CNGB3: variants seen among roughly 807,000 people sequenced by gnomAD.
The protein encoded by CNGB3 is cyclic nucleotide gated channel subunit beta 3.
CNGB3 carries 86 observed loss-of-function variants against 92.8 expected under a neutral mutation model. The observed-to-expected ratio is 0.93, with a 90% CI of 0.78 to 1.11. The LOEUF (loss-of-function observed/expected upper bound fraction) is 1.11. CNGB3 is among the 50% of genes least tolerant of loss of function. The pLI, the probability that CNGB3 is intolerant of heterozygous loss-of-function variation, is 0.00. For missense variants in CNGB3, 1,026 were observed against 956.8 expected, an observed-to-expected ratio of 1.07 and a Z score of -0.95; for synonymous variants, 333 against 332.7, an observed-to-expected ratio of 1.00 and a Z score of -0.01.
intron 15 of CNGB3, among the ~76,000 whole-genome samples, chr8:86,598,966 A>G (rs1351664456): frequency 6.6e-6 from 1 of 152,140 alleles, no homozygotes; most frequent in African/African-American, 2.4e-5. Flanking sequence ...CACTACAGGC[A>G]TCACGTCAAT....
intron 10 of CNGB3, 88 bp downstream of exon 10, chr8:86,643,663 T>C (rs1172469572): frequency 6.9e-7 from 1 of 1,453,884 alleles, no homozygotes; most frequent in Non-Finnish European, 9.5e-7. Context: ...TTATGACAGC[T>C]TCAAAAACAC....
At chr8:86,589,439 A>G (rs1040715569) in intron 15 of CNGB3, among the ~76,000 whole-genome samples, 5 of 150,650 alleles carry the variant, frequency 3.3e-5, no homozygotes, top group African/African-American at 1.2e-4. Flanking sequence ...TTAGGGTGTC[A>G]ATTTTGGATC....
intron 6 of CNGB3, chr8:86,661,767 T>C: frequency 6.3e-7 from 1 of 1,589,766 alleles, no homozygotes; most frequent in Non-Finnish European, 8.6e-7. Context: ...CTTAGGAAGG[T>C]TATATAATCT....
At chr8:86,717,221 A>G (rs958784882) in intron 3 of CNGB3, among the ~76,000 whole-genome samples, 1 of 152,120 alleles carries the variant, frequency 6.6e-6, no homozygotes, top group Non-Finnish European at 1.5e-5. Context: ...TTATAAAACA[A>G]TTACTACTAG....
At chr8:86,592,186 G>A (rs556992776) in intron 15 of CNGB3, among the ~76,000 whole-genome samples, 112 of 152,282 alleles carry the variant, frequency 7.4e-4, no homozygotes, top group Admixed American at 2.2e-3. Context: ...GCAATGCCTC[G>A]CCCTGCTTTG....
chr8:86,640,775 T>G (rs202000592), intron 10 of CNGB3, among the ~76,000 whole-genome samples: 2 of 2,326 alleles, frequency 8.6e-4, no homozygotes, highest in Non-Finnish European at 1.1e-3. Context: ...TCTAAAATGG[T>G]TTTGTTTTAA....
At chr8:86,658,931 C>T in intron 6 of CNGB3, 2 of 1,033,382 alleles carry the variant, frequency 1.9e-6, no homozygotes. Flanking sequence ...GCCTCTCCTC[C>T]TGCTCTCGGT....
intron 4 of CNGB3, among the ~76,000 whole-genome samples, chr8:86,670,443 G>A (rs1416047317): frequency 1.3e-5 from 2 of 152,084 alleles, no homozygotes; most frequent in Non-Finnish European, 2.9e-5. Flanking sequence ...AAAGTGCTGG[G>A]GAGGTAACAG....
chr8:86,617,283 C>A (rs564325765), intron 13 of CNGB3, among the ~76,000 whole-genome samples: 2 of 152,186 alleles, frequency 1.3e-5, no homozygotes, highest in African/African-American at 2.4e-5. Flanking sequence ...TTTCTAGGCT[C>A]ATTTCTGCTT....
intron 6 of CNGB3, chr8:86,659,297 G>T: frequency 1.9e-6 from 2 of 1,048,228 alleles, no homozygotes; most frequent in South Asian, 1.3e-5. Flanking sequence ...CCTGCCCCAG[G>T]TGTGCTTCCA....
chr8:86,628,917 A>G lies in CNGB3; in HGVS notation c.1480+2T>C. 1 of 1,613,826 alleles carries G rather than the reference A, an allele frequency of 6.2e-7. No homozygotes were observed. The highest frequency in any genetic ancestry group is 1.3e-5 in the African/African-American group (1 of 75,012). ...ATTTAATCGGTAATCTGCCATGCTT[A>G]CCTAGCATTCTTTGAGAGTCCCATG... On this transcript the variant is annotated splice_donor_variant, in intron 12 of 17. Transcript: ENST00000320005. LOFTEE classifies it high-confidence loss of function.
At chr8:86,580,190 C>CGGGGT (rs112115450) in intron 15 of CNGB3, among the ~76,000 whole-genome samples, 4 of 45,044 alleles carry the variant, frequency 8.9e-5, no homozygotes, top group African/African-American at 2.8e-4. Flanking sequence ...GAGAATAGCA[C>CGGGGT]GGGGGGGGTG....
intron 15 of CNGB3, among the ~76,000 whole-genome samples, chr8:86,599,676 C>T (rs1302554403): frequency 6.6e-6 from 1 of 151,370 alleles, no homozygotes; most frequent in African/African-American, 2.5e-5. Flanking sequence ...CCCCAGTCTC[C>T]TATAGCACTC....
At chr8:86,608,354 G>A (rs1322917642) in intron 14 of CNGB3, among the ~76,000 whole-genome samples, 1 of 152,238 alleles carries the variant, frequency 6.6e-6, no homozygotes, top group Non-Finnish European at 1.5e-5. Flanking sequence ...TTGGTCTAAC[G>A]GTGACGCCAG....
At chr8:86,626,874 T>C (rs1194394045) in intron 12 of CNGB3, among the ~76,000 whole-genome samples, 1 of 152,112 alleles carries the variant, frequency 6.6e-6, no homozygotes, top group South Asian at 2.1e-4. Context: ...TATTTTAAGT[T>C]CTGGGGTACA....
At chr8:86,616,495 C>T (rs754983107) in intron 13 of CNGB3, among the ~76,000 whole-genome samples, 6 of 151,696 alleles carry the variant, frequency 4.0e-5, no homozygotes, top group Non-Finnish European at 5.9e-5. Context: ...TTGAGATATA[C>T]ATTGCTTCAT....
chr8:86,575,575 C>T lies in CNGB3; in HGVS notation c.*229G>A, dbSNP rs1007696057. On this transcript the variant is annotated 3_prime_UTR_variant, in exon 18 of 18. Transcript: ENST00000320005. Reference sequence around the variant, plus strand: ...TACTACATACAATTAGAAGATATAGCAATTGCATAAAGTTAATGAAAACGG... The same window carrying T: ...TACTACATACAATTAGAAGATATAGTAATTGCATAAAGTTAATGAAAACGG... The T allele has an allele frequency of 1.5e-5, 7 of 471,500 alleles. No individual in the cohort carries two copies. The highest frequency in any genetic ancestry group is 2.2e-5 in the Non-Finnish European group (6 of 268,080). The allele number at this position is 471,500 out of a possible 1,614,324, so 29.2% of individuals were successfully genotyped here. A position where few individuals can be genotyped will look rare whatever the true frequency, so the allele number is the denominator to read the frequency against.
intron 16 of CNGB3, 22 bp downstream of exon 16, chr8:86,579,084 A>G: frequency 6.2e-7 from 1 of 1,613,884 alleles, no homozygotes; most frequent in Non-Finnish European, 8.5e-7. Flanking sequence ...ATCCATCTCT[A>G]ATGGTGTTTT....
chr8:86,586,726 C>T (rs1288974027), intron 15 of CNGB3, among the ~76,000 whole-genome samples: 1 of 149,922 alleles, frequency 6.7e-6, no homozygotes, highest in South Asian at 2.1e-4. Flanking sequence ...TTTCTTAATC[C>T]AGTCTATCAT....
Sources: allele counts gnomAD v4.1 joint callset (sites outside exome capture counted in the v4.1 genomes callset), GRCh38; gene constraint gnomAD v4.1.1; transcripts MANE v1.5; gene names NCBI Gene and HGNC (gene_info 2026-07-23, HGNC 2026-07-21).